Variants in PPP2R3A observed in about 807,000 individuals in gnomAD.
PPP2R3A encodes the protein serine/threonine-protein phosphatase 2A regulatory subunit B'' subunit alpha.
In PPP2R3A, 80 loss-of-function variants were observed where a neutral mutation model predicts 106.9. That is an observed-to-expected ratio of 0.75 (90% CI 0.62 to 0.90). The LOEUF is 0.90. PPP2R3A is among the 40% of genes least tolerant of loss of function. The pLI, the probability that PPP2R3A is intolerant of heterozygous loss-of-function variation, is 0.00. For synonymous variants in PPP2R3A, 483 were observed against 468.3 expected, an observed-to-expected ratio of 1.03 and a Z score of -0.41; for missense variants, 1,386 against 1,350.4, an observed-to-expected ratio of 1.03 and a Z score of -0.41.
chr3:136,025,992 C>CAAAA (rs1397734317), intron 2 of PPP2R3A, among the ~76,000 whole-genome samples: 1 of 152,002 alleles, frequency 6.6e-6, no homozygotes, highest in Non-Finnish European at 1.5e-5. Context: ...CTCCCTTTTT[C>CAAAA]CTAAATCATG....
intron 2 of PPP2R3A, among the ~76,000 whole-genome samples, chr3:136,017,565 G>A (rs895479388): frequency 6.6e-6 from 1 of 152,206 alleles, no homozygotes; most frequent in Non-Finnish European, 1.5e-5. Flanking sequence ...GGCTGTTAAC[G>A]TATTTAGATT....
chr3:135,987,691 AT>A (rs1353550697), intron 1 of PPP2R3A, among the ~76,000 whole-genome samples: 1 of 151,936 alleles, frequency 6.6e-6, no homozygotes, highest in Non-Finnish European at 1.5e-5. Context: ...CTCTCTGGCC[AT>A]TTTTTGTCAG....
chr3:135,968,890 T>C lies in PPP2R3A; in HGVS notation c.-441+3041T>C, dbSNP rs143458478. On this transcript the variant is annotated intron_variant, in intron 1 of 13. Coordinates refer to ENST00000264977, the MANE Select transcript of PPP2R3A (RefSeq NM_002718.5). Reference sequence around the variant, plus strand: ...TCCACTTCAGTATATAGTTTCCTTATTTTTTTGAATGACTGTACAGTATTT... The same window carrying C: ...TCCACTTCAGTATATAGTTTCCTTACTTTTTTGAATGACTGTACAGTATTT... 6.6e-5 allele frequency among the ~76,000 whole-genome samples: 10 copies of C among 152,334 alleles called. No homozygotes were observed. In the East Asian group the frequency reaches 1.9e-3, roughly 29 times the overall value.
chr3:136,025,360 A>G (rs1041647170), intron 2 of PPP2R3A, among the ~76,000 whole-genome samples: 9 of 152,066 alleles, frequency 5.9e-5, no homozygotes, highest in East Asian at 1.9e-4. Flanking sequence ...TTCCTTGACT[A>G]TTGCTTTATA....
intron 1 of PPP2R3A, among the ~76,000 whole-genome samples, chr3:135,988,323 A>G (rs1218146007): frequency 1.3e-5 from 2 of 151,536 alleles, no homozygotes; most frequent in South Asian, 4.2e-4. Flanking sequence ...TATAAAACCC[A>G]CTCATGTATC....
At chr3:136,029,928 G>A (rs990322951) in intron 3 of PPP2R3A, among the ~76,000 whole-genome samples, 5 of 152,160 alleles carry the variant, frequency 3.3e-5, no homozygotes, top group African/African-American at 9.7e-5. Context: ...ATGAGGATGC[G>A]TGGCCAGGCA....
intron 13 of PPP2R3A, among the ~76,000 whole-genome samples, chr3:136,120,674 CTG>C (rs1576326316): frequency 1.3e-5 from 2 of 152,094 alleles, no homozygotes; most frequent in Non-Finnish European, 2.9e-5. Context: ...TATTCTCAAA[CTG>C]TGCATTTCAC....
At chr3:136,140,596 A>G (rs923735074) in intron 13 of PPP2R3A, among the ~76,000 whole-genome samples, 4 of 152,016 alleles carry the variant, frequency 2.6e-5, no homozygotes, top group Admixed American at 6.6e-5. Flanking sequence ...TAAAAATACA[A>G]AATTAGCCAG....
chr3:136,131,844 G>A (rs1938433925), intron 13 of PPP2R3A, among the ~76,000 whole-genome samples: 1 of 152,178 alleles, frequency 6.6e-6, no homozygotes, highest in Admixed American at 6.5e-5. Flanking sequence ...AAAAAAGGAT[G>A]AGTTCATGTC....
intron 10 of PPP2R3A, among the ~76,000 whole-genome samples, chr3:136,091,833 CT>C (rs548894104): frequency 6.6e-6 from 1 of 152,102 alleles, no homozygotes; most frequent in Non-Finnish European, 1.5e-5. Flanking sequence ...ATATATGCTA[CT>C]CTTTTTCATA....
Position 136,041,238 on chromosome 3 carries a change from G to GTTTTTTTTTTTTTTT in PPP2R3A, c.2366+287_2366+288insTTTTTTTTTTTTTTT, listed in dbSNP as rs67116006. On this transcript the variant is annotated intron_variant, in intron 4 of 13. Transcript: ENST00000264977. ...TTATTAGTTTTACTTGGTTTTTCTTGTTTTTTTTTTTGTTTTTTTTTTTGT... is the reference window on the plus strand; with the variant it reads ...TTATTAGTTTTACTTGGTTTTTCTTGTTTTTTTTTTTTTTTTTTTTTTTTTTGTTTTTTTTTTTGT... Among the ~76,000 whole-genome samples the GTTTTTTTTTTTTTTT allele has an allele frequency of 6.7e-4, 62 of 92,786 alleles. 1 individual carries two copies. The highest frequency in any genetic ancestry group is 6.3e-3 in the Middle Eastern group (1 of 158). The allele number at this position is 92,786 out of a possible 152,430, so 60.9% of individuals were successfully genotyped here. A position where few individuals can be genotyped will look rare whatever the true frequency, so the allele number is the denominator to read the frequency against.
At chr3:136,115,569 C>T (rs187024544) in intron 13 of PPP2R3A, among the ~76,000 whole-genome samples, 1 of 151,812 alleles carries the variant, frequency 6.6e-6, no homozygotes, top group Admixed American at 6.6e-5. Context: ...CCTGATGGAG[C>T]TGAAACACAC....
intron 5 of PPP2R3A, among the ~76,000 whole-genome samples, chr3:136,067,339 A>G (rs760790720): frequency 2.0e-5 from 3 of 152,184 alleles, no homozygotes; most frequent in Non-Finnish European, 4.4e-5. Context: ...ATATAAAACA[A>G]TGGGTTTTCA....
intron 13 of PPP2R3A, among the ~76,000 whole-genome samples, chr3:136,119,947 A>T (rs187982121): frequency 1.8e-4 from 28 of 152,314 alleles, no homozygotes; most frequent in Non-Finnish European, 3.4e-4. Flanking sequence ...AAGACTTGGA[A>T]CCAACCCAAA....
At position 136,106,207 on chromosome 3, in the gene PPP2R3A, T is replaced by C; in HGVS notation, c.3223-9T>C. 2 of 1,583,202 alleles carry C rather than the reference T, an allele frequency of 1.3e-6. No homozygotes were observed. Among genetic ancestry groups the C allele is most frequent in the Non-Finnish European group, 1.7e-6 (2 of 1,157,924 alleles). ...TTTTATTTCTCGTGGCTGTCTTCTT[T>C]CCAATCAGGATGTTGAGAACGATGG... On this transcript the variant is annotated splice_polypyrimidine_tract_variant and intron_variant, in intron 12 of 13. Coordinates refer to ENST00000264977, the MANE Select transcript of PPP2R3A (RefSeq NM_002718.5).
In PPP2R3A at chr3:136,051,732, G is replaced by A. The variant is rs377521140; in HGVS notation, c.2469+2371G>A. Among the ~76,000 whole-genome samples, 53 of 152,260 alleles carry A rather than the reference G, an allele frequency of 3.5e-4. 1 individual carries two copies. In the South Asian group the frequency reaches 5.2e-3, roughly 15 times the overall value. ...GAATTTTCACAATGTGGGCATATCC[G>A]TATAACTAGCACACAGATCCAAAAA... On this transcript the variant is annotated intron_variant, in intron 5 of 13. Transcript: ENST00000264977.
At chr3:136,083,522 C>T (rs898657641) in intron 8 of PPP2R3A, among the ~76,000 whole-genome samples, 2 of 152,164 alleles carry the variant, frequency 1.3e-5, no homozygotes, top group Non-Finnish European at 2.9e-5. Flanking sequence ...TTATAAATTA[C>T]CCAGTCTCAG....
At position 136,084,746 on chromosome 3, in the gene PPP2R3A, T is replaced by C. The variant is rs748708829; in HGVS notation, c.2788+2325T>C. ...TGGGAACCTGCCTCTTGCATCAGTGTGCCATGGATATGAGACAGAGTCAAA... is the reference window on the plus strand; with the variant it reads ...TGGGAACCTGCCTCTTGCATCAGTGCGCCATGGATATGAGACAGAGTCAAA... On this transcript the variant is annotated intron_variant, in intron 8 of 13. Coordinates refer to ENST00000264977, the MANE Select transcript of PPP2R3A (RefSeq NM_002718.5). Among the ~76,000 whole-genome samples, 78 of 152,230 alleles carry C rather than the reference T, an allele frequency of 5.1e-4. 1 individual carries two copies. Among genetic ancestry groups the C allele is most frequent in the Middle Eastern group, 3.2e-3 (1 of 316 alleles).
rs115746657 is a variant in PPP2R3A, at chr3:136,084,230, A to C, written c.2788+1809A>C. ...CCCCTGCTCTATGCAGCCTCTGAAC[A>C]TGGTGACCTGCATCCCAGCTGTTTC... On this transcript the variant is annotated intron_variant, in intron 8 of 13. Transcript: ENST00000264977. Among the ~76,000 whole-genome samples, 965 of 152,320 alleles carry C rather than the reference A, an allele frequency of 6.3e-3. 13 individuals are homozygous for C. Among genetic ancestry groups the C allele is most frequent in the African/African-American group, 0.022 (918 of 41,576 alleles).
Sources: gnomAD v4.1 joint callset for allele counts (sites outside exome capture counted in the v4.1 genomes callset) on GRCh38, gnomAD v4.1.1 for gene constraint, MANE v1.5 for transcripts, NCBI Gene and HGNC (gene_info 2026-07-23, HGNC 2026-07-21) for gene names.